The following TRIM2 variants were observed in gnomAD, a reference collection of about 807,000 sequenced individuals.
TRIM2 encodes tripartite motif containing 2.
In TRIM2, 20 loss-of-function variants were observed where a neutral mutation model predicts 75.2. That is an observed-to-expected ratio of 0.27 (90% CI 0.19 to 0.39). The LOEUF is 0.39. Ranked by LOEUF, TRIM2 falls within the 10% of genes least tolerant of loss-of-function variation. The probability of loss-of-function intolerance (pLI) is 1.00; values close to 1 mark genes in which losing one functional copy is unlikely to be tolerated. For synonymous variants in TRIM2, 373 were observed against 388.3 expected (o/e 0.96, Z 0.46); for missense variants, 660 against 990.8 (o/e 0.67, Z 4.48).
chr4:153,209,874 G>T (rs1484906116), intron 1 of TRIM2, among the ~76,000 whole-genome samples: 1 of 151,944 alleles, frequency 6.6e-6, no homozygotes, highest in Non-Finnish European at 1.5e-5. Flanking sequence ...TCCAAGGATG[G>T]GTTTTTTCCT....
chr4:153,212,004 T>C (rs1039359628), intron 1 of TRIM2, among the ~76,000 whole-genome samples: 3 of 152,152 alleles, frequency 2.0e-5, no homozygotes, highest in Non-Finnish European at 1.5e-5. Context: ...CCCTTAGTCT[T>C]TCAAAAACTC....
intron 1 of TRIM2, among the ~76,000 whole-genome samples, chr4:153,179,653 A>G (rs900291637): frequency 6.6e-6 from 1 of 152,224 alleles, no homozygotes; most frequent in Admixed American, 6.5e-5. Context: ...CTGTTTACGC[A>G]TAATGACAAG....
At chr4:153,263,078 C>T (rs1359907969) in intron 1 of TRIM2, among the ~76,000 whole-genome samples, 1 of 152,194 alleles carries the variant, frequency 6.6e-6, no homozygotes, top group Non-Finnish European at 1.5e-5. Context: ...CGCCTGTAAT[C>T]CCAGCAGTTT....
chr4:153,264,807 C>T (rs1403297642), intron 1 of TRIM2, among the ~76,000 whole-genome samples: 1 of 152,124 alleles, frequency 6.6e-6, no homozygotes, highest in Admixed American at 6.5e-5. Flanking sequence ...AGGGAAGGAT[C>T]ATTATCCTGG....
intron 1 of TRIM2, among the ~76,000 whole-genome samples, chr4:153,175,492 A>AG (rs1370104318): frequency 6.7e-6 from 1 of 150,230 alleles, no homozygotes; most frequent in Admixed American, 6.6e-5. Flanking sequence ...CAGCGGGGGG[A>AG]GGGGGTGCAT....
chr4:153,334,957 C>T lies in TRIM2; in HGVS notation c.2307C>T (p.Tyr769=), dbSNP rs1772276216. 6.2e-7 allele frequency: 1 copy of T among 1,612,952 alleles called. No individual in the cohort carries two copies. Among genetic ancestry groups the T allele is most frequent in the Non-Finnish European group, 8.5e-7 (1 of 1,179,436 alleles). Residue 769 remains tyrosine, a synonymous_variant, in exon 12 of 12, where the codon TAC becomes TAT. Transcript: ENST00000338700. The part of the protein sequence containing the change: ...SGNHCFKVYR[Y]LQ Reference sequence around the variant, plus strand: ...ATCACTGTTTCAAAGTCTATCGATACTTACAGTAATGGTGGGCAGGTGGAT... The same window carrying T: ...ATCACTGTTTCAAAGTCTATCGATATTTACAGTAATGGTGGGCAGGTGGAT...
intron 2 of TRIM2, among the ~76,000 whole-genome samples, chr4:153,271,012 G>GA (rs1756544957): frequency 1.3e-5 from 2 of 152,064 alleles, no homozygotes; most frequent in Non-Finnish European, 2.9e-5. Flanking sequence ...TTTAGATAAA[G>GA]AAAAAATATA....
Position 153,171,831 on chromosome 4 carries a change from G to A in TRIM2, c.-49+18561G>A, listed in dbSNP as rs538152616. On this transcript the variant is annotated intron_variant, in intron 1 of 11. Coordinates refer to the TRIM2 transcript ENST00000437508. ...CATCCCAGCTTTTTGCCATATTTTCGTTTTGGGGCTTTTTTTTTTTTTTCG... is the reference window on the plus strand; with the variant it reads ...CATCCCAGCTTTTTGCCATATTTTCATTTTGGGGCTTTTTTTTTTTTTTCG... 5.9e-4 allele frequency among the ~76,000 whole-genome samples: 78 copies of A among 132,124 alleles called. 1 individual carries two copies. The highest frequency in any genetic ancestry group is 2.0e-3 in the African/African-American group (67 of 33,958). The allele number at this position is 132,124 out of a possible 152,430, so 86.7% of individuals were successfully genotyped here.
chr4:153,189,235 G>A (rs1323316843), intron 1 of TRIM2, among the ~76,000 whole-genome samples: 1 of 152,206 alleles, frequency 6.6e-6, no homozygotes, highest in East Asian at 1.9e-4. Context: ...CAATGATTGA[G>A]AGATGAGGGG....
At chr4:153,331,404 T>G (rs886264724) in intron 11 of TRIM2, among the ~76,000 whole-genome samples, 1 of 152,184 alleles carries the variant, frequency 6.6e-6, no homozygotes, top group Non-Finnish European at 1.5e-5. Flanking sequence ...CAATACCATT[T>G]AGAATCACTG....
At chr4:153,187,367 G>A (rs1417933511) in intron 1 of TRIM2, among the ~76,000 whole-genome samples, 3 of 152,162 alleles carry the variant, frequency 2.0e-5, no homozygotes, top group Admixed American at 2.0e-4. Flanking sequence ...CGACGTGGAG[G>A]ATTACTCTGG....
chr4:153,214,872 A>G (rs1386622811), intron 1 of TRIM2, among the ~76,000 whole-genome samples: 1 of 152,184 alleles, frequency 6.6e-6, no homozygotes, highest in Non-Finnish European at 1.5e-5. Context: ...AACACAATAA[A>G]ATTGCTGTAG....
At chr4:153,179,199 C>T (rs1278484221) in intron 1 of TRIM2, among the ~76,000 whole-genome samples, 1 of 150,512 alleles carries the variant, frequency 6.6e-6, no homozygotes, top group African/African-American at 2.4e-5. Context: ...TTGTTAATAG[C>T]AATTTTGATA....
intron 1 of TRIM2, among the ~76,000 whole-genome samples, chr4:153,236,466 C>T (rs1428687084): frequency 6.6e-6 from 1 of 152,170 alleles, no homozygotes; most frequent in Non-Finnish European, 1.5e-5. Flanking sequence ...TCAAATGCTA[C>T]CACATGACAA....
chr4:153,327,281 C>T (rs368884892), intron 10 of TRIM2, among the ~76,000 whole-genome samples: 6 of 152,196 alleles, frequency 3.9e-5, no homozygotes, highest in South Asian at 2.1e-4. Flanking sequence ...TCTTTTTTAT[C>T]GTAATGTGAG....
chr4:153,177,875 C>G (rs1731632970), intron 1 of TRIM2, among the ~76,000 whole-genome samples: 1 of 151,964 alleles, frequency 6.6e-6, no homozygotes, highest in South Asian at 2.1e-4. Flanking sequence ...GGTCTTGGCT[C>G]ACTGCAACCT....
At chr4:153,265,414 G>A (rs538151148) in intron 1 of TRIM2, among the ~76,000 whole-genome samples, 1 of 151,602 alleles carries the variant, frequency 6.6e-6, no homozygotes, top group African/African-American at 2.4e-5. Flanking sequence ...GCATGTCTTG[G>A]CTCACTGCAA....
At chr4:153,321,799 G>C (rs1173977914) in intron 8 of TRIM2, among the ~76,000 whole-genome samples, 19 of 152,136 alleles carry the variant, frequency 1.2e-4, no homozygotes, top group Admixed American at 1.2e-3. Flanking sequence ...TACAGTGACT[G>C]CTTGCTGTGT....
intron 1 of TRIM2, among the ~76,000 whole-genome samples, chr4:153,207,219 T>A (rs1579549705): frequency 6.6e-6 from 1 of 152,290 alleles, no homozygotes; most frequent in African/African-American, 2.4e-5. Context: ...GTGCCCCAGT[T>A]CCCTTATCTG....
Sources: allele counts gnomAD v4.1 joint callset (sites outside exome capture counted in the v4.1 genomes callset), GRCh38; gene constraint gnomAD v4.1.1; transcripts MANE v1.5; gene names NCBI Gene and HGNC (gene_info 2026-07-23, HGNC 2026-07-21).